Variants in MPPED2 observed in about 807,000 individuals in gnomAD.
The protein encoded by MPPED2 is metallophosphoesterase MPPED2.
MPPED2 carries 5 observed loss-of-function variants against 33.0 expected under a neutral mutation model. The observed-to-expected ratio is 0.15, with a 90% confidence interval of 0.08 to 0.32. MPPED2 has a LOEUF of 0.32. Among genes scored for constraint, MPPED2 ranks in the 10% least tolerant of loss-of-function variants. The pLI is 1.00. For missense variants in MPPED2, 275 were observed against 372.1 expected, an observed-to-expected ratio of 0.74 and a Z score of 2.15; for synonymous variants, 136 against 141.9, an observed-to-expected ratio of 0.96 and a Z score of 0.29.
intron 6 of MPPED2, among the ~76,000 whole-genome samples, chr11:30,396,781 A>T (rs1039791794): frequency 6.6e-6 from 1 of 152,208 alleles, no homozygotes; most frequent in African/African-American, 2.4e-5. Flanking sequence ...GTAGAAAAAT[A>T]GAAAGGGAAA....
intron 4 of MPPED2, among the ~76,000 whole-genome samples, chr11:30,427,817 CCTTT>C (rs1415373399): frequency 3.3e-5 from 5 of 151,940 alleles, no homozygotes; most frequent in Non-Finnish European, 7.4e-5. Flanking sequence ...AATTTTTTTC[CCTTT>C]CTATTTCTTT....
intron 4 of MPPED2, among the ~76,000 whole-genome samples, chr11:30,438,549 T>C (rs952212666): frequency 3.9e-5 from 6 of 152,228 alleles, no homozygotes; most frequent in Non-Finnish European, 7.3e-5. Context: ...CATGTGCTGA[T>C]GCATCATGGT....
intron 4 of MPPED2, among the ~76,000 whole-genome samples, chr11:30,483,651 A>G (rs1951593269): frequency 6.6e-6 from 1 of 152,210 alleles, no homozygotes; most frequent in Admixed American, 6.5e-5. Flanking sequence ...ACTCAATAAG[A>G]GGCCTGAATT....
intron 4 of MPPED2, among the ~76,000 whole-genome samples, chr11:30,493,940 T>C (rs4329663): frequency 1.3e-5 from 2 of 152,222 alleles, no homozygotes; most frequent in African/African-American, 4.8e-5. Flanking sequence ...ACAATCAAGA[T>C]TGACACGCTT....
intron 3 of MPPED2, among the ~76,000 whole-genome samples, chr11:30,504,259 A>G: frequency 6.6e-6 from 1 of 152,178 alleles, no homozygotes; most frequent in East Asian, 1.9e-4. Context: ...TCTCTATTTC[A>G]CTGAGGAATG....
At chr11:30,450,499 A>G (rs1468566667) in intron 4 of MPPED2, among the ~76,000 whole-genome samples, 1 of 152,222 alleles carries the variant, frequency 6.6e-6, no homozygotes, top group Non-Finnish European at 1.5e-5. Context: ...CTCAACTTGG[A>G]GAAGTGAAGT....
chr11:30,455,620 T>C (rs1426955292), intron 4 of MPPED2, among the ~76,000 whole-genome samples: 1 of 152,272 alleles, frequency 6.6e-6, no homozygotes, highest in Non-Finnish European at 1.5e-5. Context: ...AGGTGGCTTC[T>C]ACAACTTACG....
At chr11:30,559,667 G>T (rs572509214) in intron 2 of MPPED2, among the ~76,000 whole-genome samples, 5 of 152,130 alleles carry the variant, frequency 3.3e-5, no homozygotes, top group African/African-American at 1.2e-4. Context: ...ATGTTTGAAA[G>T]TTATTTTTTT....
Position 30,512,671 on chromosome 11 carries a change from A to G in MPPED2, c.311-17150T>C, listed in dbSNP as rs190781324. On this transcript the variant is annotated intron_variant, in intron 3 of 6. Coordinates refer to ENST00000358117, the MANE Select transcript of MPPED2 (RefSeq NM_001584.3). ...TAGTCACTTTAGGCCAGTAGTTCCC[A>G]AACCCGTTTGATCTTCCAAATTATG... Among the ~76,000 whole-genome samples the G allele has an allele frequency of 9.5e-4, 144 of 152,254 alleles. 1 individual carries two copies. Among genetic ancestry groups the G allele is most frequent in the African/African-American group, 3.4e-3 (143 of 41,558 alleles).
intron 2 of MPPED2, among the ~76,000 whole-genome samples, chr11:30,577,730 A>T (rs151242629): frequency 6.6e-6 from 1 of 152,230 alleles, no homozygotes; most frequent in Non-Finnish European, 1.5e-5. Context: ...CATGTTCTCA[A>T]GCAAGAAAGA....
intron 3 of MPPED2, among the ~76,000 whole-genome samples, chr11:30,522,484 A>G (rs1953929783): frequency 1.3e-5 from 2 of 152,112 alleles, no homozygotes; most frequent in African/African-American, 4.8e-5. Flanking sequence ...AATCTGTGTG[A>G]CGGGTATATG....
intron 3 of MPPED2, among the ~76,000 whole-genome samples, chr11:30,535,059 T>C (rs1456765925): frequency 6.6e-6 from 1 of 152,070 alleles, no homozygotes; most frequent in East Asian, 1.9e-4. Context: ...AAAATAATTA[T>C]GTTATTAGTT....
chr11:30,490,166 A>G (rs929813206), intron 4 of MPPED2, among the ~76,000 whole-genome samples: 1 of 152,178 alleles, frequency 6.6e-6, no homozygotes, highest in African/African-American at 2.4e-5. Context: ...GAAAGATGTT[A>G]CAGAGCTGAG....
chr11:30,472,264 G>T (rs1340088046), intron 4 of MPPED2, among the ~76,000 whole-genome samples: 1 of 152,152 alleles, frequency 6.6e-6, no homozygotes, highest in African/African-American at 2.4e-5. Flanking sequence ...GGGGGTCTGA[G>T]GTGGGAGGAT....
rs1000966456 is a variant in MPPED2, at chr11:30,436,752, C to G, written c.537-19119G>C. Among the ~76,000 whole-genome samples the G allele has an allele frequency of 3.3e-5, 5 of 152,328 alleles. No individual in the cohort carries two copies. The South Asian group carries it at 8.3e-4, about 25-fold the overall frequency. On this transcript the variant is annotated intron_variant, in intron 4 of 6. Coordinates refer to ENST00000358117, the MANE Select transcript of MPPED2 (RefSeq NM_001584.3). ...ATGTATAATTCAAAAATCCTGGACACTGCTGGGACTCACATTTTTCCCATT... is the reference window on the plus strand; with the variant it reads ...ATGTATAATTCAAAAATCCTGGACAGTGCTGGGACTCACATTTTTCCCATT...
chr11:30,465,365 G>C (rs548885192), intron 4 of MPPED2, among the ~76,000 whole-genome samples: 1 of 152,274 alleles, frequency 6.6e-6, no homozygotes, highest in South Asian at 2.1e-4. Flanking sequence ...TCAGCTCACT[G>C]CAACATCAGC....
intron 3 of MPPED2, among the ~76,000 whole-genome samples, chr11:30,518,458 A>G (rs922985362): frequency 3.3e-5 from 5 of 152,246 alleles, no homozygotes; most frequent in Non-Finnish European, 5.9e-5. Flanking sequence ...TTCACCAATA[A>G]ATATGCCAAA....
intron 3 of MPPED2, among the ~76,000 whole-genome samples, chr11:30,502,212 C>T (rs1952602459): frequency 6.7e-6 from 1 of 148,392 alleles, no homozygotes; most frequent in East Asian, 2.1e-4. Context: ...GGCTCCCAGA[C>T]CAGTAGTTTT....
intron 4 of MPPED2, among the ~76,000 whole-genome samples, chr11:30,428,123 A>G (rs1256732454): frequency 1.3e-5 from 2 of 152,154 alleles, no homozygotes; most frequent in Admixed American, 1.3e-4. Flanking sequence ...ATGTGGCAAT[A>G]AAAAAGCATC....
Sources: gnomAD v4.1 joint callset for allele counts (sites outside exome capture counted in the v4.1 genomes callset) on GRCh38, gnomAD v4.1.1 for gene constraint, MANE v1.5 for transcripts, NCBI Gene and HGNC (gene_info 2026-07-23, HGNC 2026-07-21) for gene names.